POU2F2: variants seen among roughly 807,000 people sequenced by gnomAD.
POU2F2 encodes the protein POU class 2 homeobox 2.
In POU2F2, 14 loss-of-function variants were observed where a neutral mutation model predicts 63.5. The ratio of observed to expected loss-of-function variants is 0.22; its 90% CI spans 0.15 to 0.34. The LOEUF (loss-of-function observed/expected upper bound fraction) is 0.34. Ranked by LOEUF, POU2F2 falls within the 10% of genes least tolerant of loss-of-function variation. The pLI is 1.00. For synonymous variants in POU2F2, 306 were observed against 348.6 expected (o/e 0.88, Z 1.36); for missense variants, 607 against 815.2 (o/e 0.74, Z 3.11).
At position 42,095,661 on chromosome 19, in the gene POU2F2, G is replaced by A. The variant is rs2076892175; in HGVS notation, c.904C>T (p.Pro302Ser). ...AGGCTGGGGCTGCTCAGCTGGTTGGGGCTGGGCAGGCTTGAGTCCACAGAC... is the reference window on the plus strand; with the variant it reads ...AGGCTGGGGCTGCTCAGCTGGTTGGAGCTGGGCAGGCTTGAGTCCACAGAC... Reference protein sequence around the residue: ...TMSVDSSLPSPNQLSSPSLGF... With the variant: ...TMSVDSSLPSSNQLSSPSLGF... Residue 302 changes from proline (P) to serine (S), a missense_variant, in exon 10 of 15, where the codon CCC becomes TCC. Pro to Ser is a moderately conservative substitution (Grantham distance 74, BLOSUM62 -1). Transcript: ENST00000692977. The surrounding 1 kb of genome is among the most constrained non-coding windows in gnomAD (Gnocchi z 7.1). The A allele has an allele frequency of 3.7e-6, 6 of 1,612,432 alleles. No individual in the cohort carries two copies. The highest frequency in any genetic ancestry group is 5.1e-6 in the Non-Finnish European group (6 of 1,179,848).
chr19:42,190,750 C>T (rs769392985), intron 1 of POU2F2, among the ~76,000 whole-genome samples: 1 of 151,944 alleles, frequency 6.6e-6, no homozygotes, highest in Non-Finnish European at 1.5e-5. Context: ...ATAAATGAGC[C>T]TATGGATGAG....
chr19:42,184,091 C>T (rs1171732157), intron 1 of POU2F2, among the ~76,000 whole-genome samples: 5 of 151,014 alleles, frequency 3.3e-5, no homozygotes, highest in African/African-American at 4.9e-5. Context: ...ACTGCCACCT[C>T]GACCTTCTCC....
At chr19:42,113,691 GTGACTCACTCC>G (rs1379348095) in intron 5 of POU2F2, among the ~76,000 whole-genome samples, 1 of 152,232 alleles carries the variant, frequency 6.6e-6, no homozygotes, top group Admixed American at 6.5e-5. Flanking sequence ...AAGGATGGCT[GTGACTCACTCC>G]TAAGTCTTCA....
chr19:42,170,263 C>G (rs969590805), intron 1 of POU2F2, among the ~76,000 whole-genome samples: 9 of 151,900 alleles, frequency 5.9e-5, no homozygotes, highest in African/African-American at 2.2e-4. Context: ...CACAGATATT[C>G]AAACTCTGAA....
intron 2 of POU2F2, among the ~76,000 whole-genome samples, chr19:42,144,154 C>G (rs1321095413): frequency 6.6e-6 from 1 of 152,202 alleles, no homozygotes; most frequent in Non-Finnish European, 1.5e-5. Flanking sequence ...TATCCATTCA[C>G]TTATTGTTTT....
intron 3 of POU2F2, 31 bp from the exon 4 acceptor site, chr19:42,122,213 G>A: frequency 1.9e-6 from 3 of 1,603,614 alleles, no homozygotes; most frequent in Non-Finnish European, 1.7e-6. Flanking sequence ...CAAGGGGATG[G>A]GAATAGTGCA....
chr19:42,158,212 G>A (rs532270840), intron 2 of POU2F2, among the ~76,000 whole-genome samples: 48 of 152,312 alleles, frequency 3.2e-4, no homozygotes, highest in African/African-American at 1.1e-3. Context: ...CATCAGCAAA[G>A]CATCTCTCTA....
chr19:42,149,039 C>T (rs952066571), intron 2 of POU2F2, among the ~76,000 whole-genome samples: 2 of 152,026 alleles, frequency 1.3e-5, no homozygotes, highest in South Asian at 2.1e-4. Context: ...AGAGGAGGGG[C>T]GACCATGTTC....
chr19:42,144,344 C>G lies in POU2F2; in HGVS notation c.-9+15988G>C, dbSNP rs559310732. ...TGACAAAGGGGCAATGACCTCCACA[C>G]CCTGCAAAAGGGAGCTAATGGGAGT... is the stretch of plus-strand genomic sequence containing the variant. On this transcript the variant is annotated intron_variant, in intron 2 of 6. Coordinates refer to the POU2F2 transcript ENST00000524801. Among the ~76,000 whole-genome samples, 5 of 152,356 alleles carry G rather than the reference C, an allele frequency of 3.3e-5. No individual in the cohort carries two copies. In the East Asian group the frequency reaches 9.6e-4, roughly 29 times the overall value.
chr19:42,146,696 A>T (rs1478744710), intron 2 of POU2F2, among the ~76,000 whole-genome samples: 1 of 152,208 alleles, frequency 6.6e-6, no homozygotes, highest in Non-Finnish European at 1.5e-5. Flanking sequence ...CCGGTCTGGC[A>T]AGAAACTTCT....
intron 2 of POU2F2, among the ~76,000 whole-genome samples, chr19:42,137,946 T>C (rs1033953089): frequency 6.6e-6 from 1 of 150,820 alleles, no homozygotes; most frequent in Non-Finnish European, 1.5e-5. Flanking sequence ...TGGAGCAGAG[T>C]GAACAAAGAA....
rs761554246 is a variant in POU2F2, at chr19:42,095,794, C to T, written c.865G>A (p.Asp289Asn). 6 of 1,613,886 alleles carry T rather than the reference C, an allele frequency of 3.7e-6. No homozygotes were observed. The African/African-American group carries it at 6.7e-5, about 18-fold the overall frequency. Residue 289 changes from aspartate (D) to asparagine (N), a missense_variant, in exon 9 of 15, where the codon GAT becomes AAT. Around this residue, in one of 7 missense-constraint regions of POU2F2, gnomAD observed 39 missense variants for 36.3 expected, o/e 1.07. Transcript: ENST00000692977. This position sits in a 1 kb window ranked among gnomAD's most constrained non-coding sequence, Gnocchi z 7.1. ...LKPLLEKWLNDAETMSVDSSL... is the reference protein window; with the variant it reads ...LKPLLEKWLNNAETMSVDSSL... Reference sequence around the variant, plus strand: ...AACCCCAGCCTGGTCCCACCTGCATCGTTGAGCCACTTCTCCAGGAGGGGC... The same window carrying T: ...AACCCCAGCCTGGTCCCACCTGCATTGTTGAGCCACTTCTCCAGGAGGGGC...
rs1303584689 is a variant in POU2F2 at position 42,092,122 on chromosome 19, G to T, written c.1413C>A (p.Ser471Arg). Reference sequence around the variant, plus strand: ...CGATAGCCGAGTGGCTGCCTTGAGGGCTGGGGTTTGTGCTGTTGGTGGTGG... The same window carrying T: ...CGATAGCCGAGTGGCTGCCTTGAGGTCTGGGGTTTGTGCTGTTGGTGGTGG... ...PPATTNSTNP[S>R]PQGSHSAIGL... The change falls in exon 13 of 15, where the codon AGC (serine) becomes AGA (arginine). Residue 471 changes from serine (S) to arginine (R), a missense_variant. Coordinates refer to ENST00000692977, the MANE Select transcript of POU2F2 (RefSeq NM_001394376.1). The surrounding 1 kb of genome is among the most constrained non-coding windows in gnomAD (Gnocchi z 5.0). The T allele has an allele frequency of 1.3e-6, 2 of 1,589,888 alleles. No individual in the cohort carries two copies. Among genetic ancestry groups the T allele is most frequent in the Non-Finnish European group, 8.6e-7 (1 of 1,169,458 alleles).
At chr19:42,187,092 G>A (rs181947574) in intron 1 of POU2F2, among the ~76,000 whole-genome samples, 4 of 152,244 alleles carry the variant, frequency 2.6e-5, no homozygotes, top group Admixed American at 2.6e-4. Flanking sequence ...ACGAGTCGAT[G>A]ATGTCCCTCA....
upstream of POU2F2, among the ~76,000 whole-genome samples, chr19:42,196,910 AGGG>A (rs979705186): frequency 1.3e-5 from 2 of 152,216 alleles, no homozygotes; most frequent in Middle Eastern, 3.2e-3. Flanking sequence ...AACAGGGTTA[AGGG>A]GGAGGTGACC....
At chr19:42,143,300 C>T (rs997537342) in intron 2 of POU2F2, among the ~76,000 whole-genome samples, 18 of 152,072 alleles carry the variant, frequency 1.2e-4, no homozygotes, top group Admixed American at 2.0e-4. Context: ...TGCAGTGAGC[C>T]GAGATCAAGC....
chr19:42,154,002 TG>T (rs1322137122), intron 2 of POU2F2, among the ~76,000 whole-genome samples: 1 of 150,474 alleles, frequency 6.6e-6, no homozygotes, highest in African/African-American at 2.5e-5. Flanking sequence ...TTGGGCAGGC[TG>T]TACCTCTGCT....
At chr19:42,123,658 G>A (rs1475451925) in intron 1 of POU2F2, among the ~76,000 whole-genome samples, 7 of 152,026 alleles carry the variant, frequency 4.6e-5, no homozygotes, top group Admixed American at 2.6e-4. Context: ...ACTTCTAATC[G>A]GATCCACTCT....
chr19:42,100,436 A>G (rs1712866445), intron 5 of POU2F2, among the ~76,000 whole-genome samples: 1 of 152,008 alleles, frequency 6.6e-6, no homozygotes, highest in Non-Finnish European at 1.5e-5. Context: ...ACATTTCCGC[A>G]GAACAAATAG....
Sources: allele counts gnomAD v4.1 joint callset (sites outside exome capture counted in the v4.1 genomes callset), GRCh38; gene constraint gnomAD v4.1.1; regional missense constraint gnomAD v4.1.1; non-coding constraint Gnocchi (gnomAD v3.1); transcripts MANE v1.5; gene names NCBI Gene and HGNC (gene_info 2026-07-23, HGNC 2026-07-21).